ARPC2: variants seen among roughly 807,000 people sequenced by gnomAD.
ARPC2 encodes actin-related protein 2/3 complex subunit 2.
Under a neutral mutation model 38.6 loss-of-function variants are expected in ARPC2, and 4 were observed. That is an observed-to-expected ratio of 0.10 (90% CI 0.05 to 0.24). ARPC2 has a LOEUF of 0.24. Among genes scored for constraint, ARPC2 ranks in the 10% least tolerant of loss-of-function variants. The pLI is 1.00. For missense variants in ARPC2, 229 were observed against 387.3 expected, an observed-to-expected ratio of 0.59 and a Z score of 3.43; for synonymous variants, 125 against 140.8, an observed-to-expected ratio of 0.89 and a Z score of 0.79.
intron 3 of ARPC2, among the ~76,000 whole-genome samples, chr2:218,228,055 A>C (rs1217836464): frequency 6.6e-6 from 1 of 152,186 alleles, no homozygotes; most frequent in African/African-American, 2.4e-5. Flanking sequence ...GATTTGCTTC[A>C]AAATAAATCA....
chr2:218,249,743 G>T, intron 9 of ARPC2, 78 bp from the exon 10 acceptor site: 1 of 1,394,854 alleles, frequency 7.2e-7, no homozygotes, highest in South Asian at 1.2e-5. Context: ...CGCCCTTGAT[G>T]ACCTCTCTGA....
In ARPC2 at chr2:218,245,387, TCTC is replaced by T. The variant is rs1445578584; in HGVS notation, c.550-32_550-30del. The T allele has an allele frequency of 1.9e-6, 3 of 1,613,234 alleles. No individual in the cohort carries two copies. In the African/African-American group the frequency reaches 4.0e-5, roughly 22 times the overall value. ...AGTTGCCACTCATCTTACACCCACTTCTCTTCTGGTTGCTTTTGCTTTGTCTTG... is the reference window on the plus strand; with the variant it reads ...AGTTGCCACTCATCTTACACCCACTTTTCTGGTTGCTTTTGCTTTGTCTTG... On this transcript the variant is annotated intron_variant, in intron 7 of 10. Coordinates refer to ENST00000315717, the MANE Select transcript of ARPC2 (RefSeq NM_152862.3).
At chr2:218,231,668 C>T (rs1320019007) in intron 4 of ARPC2, among the ~76,000 whole-genome samples, 3 of 152,192 alleles carry the variant, frequency 2.0e-5, no homozygotes, top group Non-Finnish European at 4.4e-5. Flanking sequence ...AGAAATACCT[C>T]ACAGTGGCTG....
intron 4 of ARPC2, among the ~76,000 whole-genome samples, chr2:218,231,964 G>A (rs896404797): frequency 3.9e-5 from 6 of 152,192 alleles, no homozygotes; most frequent in African/African-American, 1.2e-4. Flanking sequence ...AGTAGGCCAG[G>A]CGCAGTGGCT....
At chr2:218,251,406 G>A (rs1690187200) in intron 10 of ARPC2, among the ~76,000 whole-genome samples, 2 of 151,676 alleles carry the variant, frequency 1.3e-5, no homozygotes, top group African/African-American at 4.9e-5. Flanking sequence ...TAGAGACAGG[G>A]TTTCACCATA....
At chr2:218,226,157 G>GA (rs1293217244) in intron 3 of ARPC2, among the ~76,000 whole-genome samples, 112 of 152,090 alleles carry the variant, frequency 7.4e-4, no homozygotes, top group Non-Finnish European at 1.3e-3. Flanking sequence ...GCCGGGCATG[G>GA]TGGTGGGCAC....
intron 2 of ARPC2, among the ~76,000 whole-genome samples, chr2:218,221,215 G>C (rs888326371): frequency 2.6e-5 from 4 of 152,132 alleles, no homozygotes; most frequent in Non-Finnish European, 5.9e-5. Context: ...TGTATATTGC[G>C]GGGAGCTGTG....
At chr2:218,217,652 G>A in intron 2 of ARPC2, 108 bp downstream of exon 2, 1 of 1,231,810 alleles carries the variant, frequency 8.1e-7, no homozygotes. Flanking sequence ...TGGGGTGCCT[G>A]GCAGGGTGTA....
At chr2:218,246,558 A>G (rs1421265795) in intron 8 of ARPC2, among the ~76,000 whole-genome samples, 1 of 151,946 alleles carries the variant, frequency 6.6e-6, no homozygotes, top group South Asian at 2.1e-4. Flanking sequence ...AGTAAAGGAT[A>G]GGCGGGGCAC....
intron 8 of ARPC2, among the ~76,000 whole-genome samples, chr2:218,247,796 A>G (rs1690082052): frequency 6.6e-6 from 1 of 152,130 alleles, no homozygotes; most frequent in Non-Finnish European, 1.5e-5. Flanking sequence ...ACAAAAACTT[A>G]GCTGGGCGTG....
At chr2:218,217,347 TC>T in intron 1 of ARPC2, 93 bp downstream of exon 1, 1 of 790,188 alleles carries the variant, frequency 1.3e-6, no homozygotes, top group Non-Finnish European at 2.1e-6. Flanking sequence ...TCTCCCCTTC[TC>T]CCCTAACCTC....
rs775479044 is a variant in ARPC2, at chr2:218,218,378, GGACTT to G, written c.74+835_74+839del. On this transcript the variant is annotated intron_variant, in intron 2 of 10. Transcript: ENST00000315717. Reference sequence around the variant, plus strand: ...TCTTAGATAACCTGTCTTTACGATTGGACTTTTTAAAAGATGGGCTTAGGGCATCT... The same window carrying G: ...TCTTAGATAACCTGTCTTTACGATTGTTTAAAAGATGGGCTTAGGGCATCT... Among the ~76,000 whole-genome samples, 192 of 152,324 alleles carry G rather than the reference GGACTT, an allele frequency of 1.3e-3. 1 individual carries two copies. The highest frequency in any genetic ancestry group is 5.7e-4 in the Non-Finnish European group (39 of 68,030).
chr2:218,230,975 T>C (rs1413800666), intron 4 of ARPC2, among the ~76,000 whole-genome samples: 1 of 152,242 alleles, frequency 6.6e-6, no homozygotes. Flanking sequence ...CACATTGCTA[T>C]TCTTGTAGCT....
In ARPC2 at chr2:218,217,451, C is replaced by G; in HGVS notation, c.-8-12C>G. On this transcript the variant is annotated splice_polypyrimidine_tract_variant and intron_variant, in intron 1 of 10. Transcript: ENST00000315717. ...CCTCACCGGCCCTTGTTTCTCCTTC[C>G]CCTGGGGGCAGCCGCCGCCATGATC... 6.2e-7 allele frequency: 1 copy of G among 1,613,686 alleles called. No individual in the cohort carries two copies. Among genetic ancestry groups the G allele is most frequent in the South Asian group, 1.1e-5 (1 of 91,074 alleles).
At chr2:218,227,097 G>A (rs777113064) in intron 3 of ARPC2, 2 of 449,516 alleles carry the variant, frequency 4.4e-6, no homozygotes, top group Non-Finnish European at 9.0e-6. Flanking sequence ...GTTACCTGGA[G>A]GCCAGGCACC....
At chr2:218,230,499 A>C (rs554095556) in intron 4 of ARPC2, among the ~76,000 whole-genome samples, 2 of 151,206 alleles carry the variant, frequency 1.3e-5, no homozygotes, top group Non-Finnish European at 2.9e-5. Flanking sequence ...AGGTTTCACT[A>C]TGTTGCCCAG....
At chr2:218,219,662 A>T (rs138189521) in intron 2 of ARPC2, among the ~76,000 whole-genome samples, 1 of 152,196 alleles carries the variant, frequency 6.6e-6, no homozygotes, top group East Asian at 1.9e-4. Flanking sequence ...TTTTACAAAG[A>T]TATGCATTGT....
chr2:218,230,095 T>C (rs1035901450), intron 4 of ARPC2, among the ~76,000 whole-genome samples: 1 of 151,738 alleles, frequency 6.6e-6, no homozygotes, highest in Non-Finnish European at 1.5e-5. Context: ...CTCAGCCTCC[T>C]GAGTAGCTGG....
intron 4 of ARPC2, among the ~76,000 whole-genome samples, chr2:218,230,995 G>T (rs1363536292): frequency 2.6e-5 from 4 of 152,140 alleles, no homozygotes; most frequent in Non-Finnish European, 5.9e-5. Flanking sequence ...TACCACAAGG[G>T]TCAAAGAACC....
Sources: gnomAD v4.1 joint callset for allele counts (sites outside exome capture counted in the v4.1 genomes callset) on GRCh38, gnomAD v4.1.1 for gene constraint, MANE v1.5 for transcripts, NCBI Gene and HGNC (gene_info 2026-07-23, HGNC 2026-07-21) for gene names.